The following DMGDH variants were observed in gnomAD, a reference collection of about 807,000 sequenced individuals.
DMGDH encodes dimethylglycine dehydrogenase.
A neutral mutation model predicts 95.2 loss-of-function variants in DMGDH; 76 were observed. The ratio of observed to expected loss-of-function variants is 0.80; its 90% CI spans 0.66 to 0.97. The LOEUF is 0.97. DMGDH is among the 50% of genes least tolerant of loss of function. The pLI, the probability that DMGDH is intolerant of heterozygous loss-of-function variation, is 0.00. For synonymous variants in DMGDH, 345 were observed against 377.6 expected (o/e 0.91, Z 1.00); for missense variants, 987 against 1,055.0 (o/e 0.94, Z 0.89).
chr5:79,033,038 A>C (rs1754234750), intron 8 of DMGDH, among the ~76,000 whole-genome samples, 198 bp from the exon 9 acceptor site: 1 of 152,240 alleles, frequency 6.6e-6, no homozygotes, highest in Admixed American at 6.5e-5. Context: ...AAATATATTT[A>C]AAATTTAAAA....
chr5:79,026,567 C>A lies in DMGDH; in HGVS notation c.2047G>T (p.Glu683Ter). ...GAATCTTCTCTTCTGTGATACAGCT[C>A]CCAACCCAGCTCACCTGAAATAAAC... ...RISYTGELGW[E>*]LYHRREDSVA... is the part of the protein sequence containing the mutation. Residue 683 changes from glutamate (E) to a stop codon, truncating the protein, a stop_gained, in exon 13 of 16, where the codon GAG becomes TAG. Coordinates refer to ENST00000255189, the MANE Select transcript of DMGDH (RefSeq NM_013391.3). LOFTEE classifies it high-confidence loss of function. 6.2e-7 allele frequency: 1 copy of A among 1,614,080 alleles called. No individual in the cohort carries two copies. Among genetic ancestry groups the A allele is most frequent in the South Asian group, 1.1e-5 (1 of 91,076 alleles).
chr5:79,006,816 G>A (rs1427189610), intron 14 of DMGDH, among the ~76,000 whole-genome samples: 1 of 150,104 alleles, frequency 6.7e-6, no homozygotes. Context: ...AGAAGCAGCA[G>A]CAGGGGTCCT....
At chr5:79,019,310 A>T (rs1160663426) in intron 14 of DMGDH, among the ~76,000 whole-genome samples, 2 of 152,178 alleles carry the variant, frequency 1.3e-5, no homozygotes, top group African/African-American at 4.8e-5. Context: ...TAGGCTCTAG[A>T]TCTATTAATT....
intron 2 of DMGDH, among the ~76,000 whole-genome samples, chr5:79,062,255 C>G (rs527361482): frequency 8.6e-5 from 13 of 151,960 alleles, no homozygotes; most frequent in African/African-American, 2.7e-4. Context: ...TGATTACTCT[C>G]TAGCATTGAT....
chr5:79,033,471 C>A, intron 7 of DMGDH, 63 bp from the exon 8 acceptor site: 1 of 1,586,264 alleles, frequency 6.3e-7, no homozygotes, highest in South Asian at 1.1e-5. Flanking sequence ...GAAACATAAT[C>A]AAACTATTTT....
chr5:79,020,493 T>C (rs1753836665), intron 14 of DMGDH, among the ~76,000 whole-genome samples: 1 of 152,238 alleles, frequency 6.6e-6, no homozygotes, highest in Admixed American at 6.5e-5. Flanking sequence ...TCTGATGTTT[T>C]AATAATAGCT....
intron 5 of DMGDH, among the ~76,000 whole-genome samples, chr5:79,050,933 A>G (rs1466033779): frequency 1.3e-5 from 2 of 152,266 alleles, no homozygotes; most frequent in African/African-American, 4.8e-5. Flanking sequence ...CAAATTGGAC[A>G]CAAAGAGGAT....
chr5:79,009,259 C>T (rs1269592495), intron 14 of DMGDH, among the ~76,000 whole-genome samples: 1 of 151,750 alleles, frequency 6.6e-6, no homozygotes, highest in Non-Finnish European at 1.5e-5. Flanking sequence ...TCAGTAATTT[C>T]ATCCTCAGAC....
intron 14 of DMGDH, among the ~76,000 whole-genome samples, chr5:79,009,364 T>C (rs1394264476): frequency 1.2e-5 from 1 of 81,424 alleles, no homozygotes; most frequent in Non-Finnish European, 2.5e-5. Flanking sequence ...TCTTTTCTTT[T>C]CTTTTTTTTT....
chr5:79,068,889 C>T (rs1318803138), intron 1 of DMGDH, among the ~76,000 whole-genome samples: 2 of 152,196 alleles, frequency 1.3e-5, no homozygotes, highest in African/African-American at 4.8e-5. Flanking sequence ...GTGCCGCATG[C>T]AAACTCTTGC....
intron 14 of DMGDH, chr5:79,021,546 T>G (rs1753866572): frequency 1.6e-6 from 2 of 1,289,216 alleles, no homozygotes; most frequent in Admixed American, 4.6e-5. Context: ...AAAGAGTTCT[T>G]CAGTACTCCA....
Position 78,998,002 on chromosome 5 carries a change from A to G in DMGDH, c.*80T>C. The G allele has an allele frequency of 2.8e-6, 4 of 1,447,660 alleles. No individual in the cohort carries two copies. The highest frequency in any genetic ancestry group is 3.9e-6 in the Non-Finnish European group (4 of 1,033,196). The allele number at this position is 1,447,660 out of a possible 1,614,324, so 89.7% of individuals were successfully genotyped here. A position where few individuals can be genotyped will look rare whatever the true frequency, so the allele number is the denominator to read the frequency against. The stretch of plus-strand genomic sequence containing the variant: ...TTGAAATGAATTCCTGGTTTCCTCT[A>G]TTCCCCTGGGAGCCAGTTATAATAA... On this transcript the variant is annotated 3_prime_UTR_variant, in exon 16 of 16. Coordinates refer to ENST00000255189, the MANE Select transcript of DMGDH (RefSeq NM_013391.3).
At chr5:79,058,251 A>G (rs963016639) in intron 2 of DMGDH, among the ~76,000 whole-genome samples, 1 of 152,136 alleles carries the variant, frequency 6.6e-6, no homozygotes, top group Admixed American at 6.5e-5. Context: ...TTTCTTTTAT[A>G]TATTGGCTTT....
chr5:79,024,606 T>A (rs1377704233), intron 13 of DMGDH, among the ~76,000 whole-genome samples: 1 of 152,242 alleles, frequency 6.6e-6, no homozygotes, highest in Non-Finnish European at 1.5e-5. Flanking sequence ...TGAGGGAATG[T>A]ACGTGATGTT....
intron 14 of DMGDH, among the ~76,000 whole-genome samples, chr5:79,007,892 G>C (rs75706611): frequency 0.034 from 5,116 of 152,284 alleles, 124 homozygotes; most frequent in Middle Eastern, 0.058. Flanking sequence ...CAGAGAACAT[G>C]ATCTTGGGCC....
chr5:79,069,652 G>C lies in DMGDH; in HGVS notation c.-32C>G. On this transcript the variant is annotated 5_prime_UTR_variant, in exon 1 of 16. Coordinates refer to ENST00000255189, the MANE Select transcript of DMGDH (RefSeq NM_013391.3). ...GCCGAGGCCGAGGGCGCAGGCGCCT[G>C]CTCCGAGGCCAGCGGGCAGCCTGAG... is the stretch of plus-strand genomic sequence containing the variant. The C allele has an allele frequency of 7.6e-7, 1 of 1,315,420 alleles. No individual in the cohort carries two copies. Among genetic ancestry groups the C allele is most frequent in the Non-Finnish European group, 9.6e-7 (1 of 1,036,374 alleles). The allele number at this position is 1,315,420 out of a possible 1,614,324, so 81.5% of individuals were successfully genotyped here.
intron 10 of DMGDH, 37 bp from the exon 11 acceptor site, chr5:79,030,071 T>TA (rs753784796): frequency 6.4e-7 from 1 of 1,572,870 alleles, no homozygotes; most frequent in South Asian, 1.1e-5. Flanking sequence ...TAGGATGAAC[T>TA]AAAAATCACA....
chr5:79,017,942 T>C (rs1247951879), intron 14 of DMGDH, among the ~76,000 whole-genome samples: 2 of 152,210 alleles, frequency 1.3e-5, no homozygotes, highest in African/African-American at 4.8e-5. Context: ...GGAGTTTTAT[T>C]TGTAATAGCC....
At chr5:79,018,034 C>T (rs1158763262) in intron 14 of DMGDH, among the ~76,000 whole-genome samples, 1 of 152,150 alleles carries the variant, frequency 6.6e-6, no homozygotes, top group Non-Finnish European at 1.5e-5. Context: ...GGAATACTAC[C>T]TGCTATAAAA....
Sources: allele counts gnomAD v4.1 joint callset (sites outside exome capture counted in the v4.1 genomes callset), GRCh38; gene constraint gnomAD v4.1.1; transcripts MANE v1.5; gene names NCBI Gene and HGNC (gene_info 2026-07-23, HGNC 2026-07-21).